TTC39B: variants seen among roughly 807,000 people sequenced by gnomAD.
The protein encoded by TTC39B is tetratricopeptide repeat protein 39B.
TTC39B carries 92 observed loss-of-function variants against 96.6 expected under a neutral mutation model. That is an observed-to-expected ratio of 0.95 (90% CI 0.80 to 1.13). TTC39B has a LOEUF of 1.13. TTC39B is among the 50% of genes most tolerant of loss of function. TTC39B has a pLI of 0.00. For missense variants in TTC39B, 955 were observed against 809.3 expected (o/e 1.18, Z -2.18); for synonymous variants, 367 against 299.4 (o/e 1.23, Z -2.33).
At chr9:15,230,981 T>C (rs912455986) in intron 2 of TTC39B, among the ~76,000 whole-genome samples, 2 of 117,454 alleles carry the variant, frequency 1.7e-5, no homozygotes, top group African/African-American at 7.3e-5. Context: ...TGAGACTCCA[T>C]CTCAGAAAAA....
intron 1 of TTC39B, among the ~76,000 whole-genome samples, chr9:15,275,331 G>A (rs897907968): frequency 2.6e-4 from 40 of 152,168 alleles, no homozygotes; most frequent in Non-Finnish European, 1.2e-4. Flanking sequence ...ATGAGCCAAC[G>A]CTCCCAGCCA....
chr9:15,172,501 T>C (rs926513276), intron 19 of TTC39B, among the ~76,000 whole-genome samples: 2 of 152,182 alleles, frequency 1.3e-5, no homozygotes, highest in Non-Finnish European at 2.9e-5. Context: ...CATGATCACA[T>C]GATCGATCAC....
exon 20 of TTC39B, chr9:15,166,997 TATATATATATATATA>T (rs1564299672): frequency 3.6e-4 from 2 of 5,560 alleles, no homozygotes; most frequent in East Asian, 8.6e-3. Context: ...TATATATATA[TATATATATATATATA>T]TATATATATA....
chr9:15,249,559 T>C (rs1035498394), intron 2 of TTC39B: 1 of 155,682 alleles, frequency 6.4e-6, no homozygotes, highest in Admixed American at 6.5e-5. Context: ...CCTGCCATTG[T>C]TCTGCAGCAG....
chr9:15,191,381 A>G, intron 9 of TTC39B, 126 bp from the exon 10 acceptor site: 3 of 626,150 alleles, frequency 4.8e-6, no homozygotes, highest in Non-Finnish European at 8.3e-6. Context: ...TTTAACCACC[A>G]GATATTTCTG....
intron 10 of TTC39B, 59 bp downstream of exon 10, chr9:15,191,131 T>A (rs180937294): frequency 1.8e-5 from 22 of 1,240,320 alleles, no homozygotes; most frequent in South Asian, 1.8e-4. Flanking sequence ...ATTGCCCTCA[T>A]GTTCAATAAA....
intron 2 of TTC39B, among the ~76,000 whole-genome samples, chr9:15,243,608 C>T (rs1201373796): frequency 6.6e-6 from 1 of 152,188 alleles, no homozygotes; most frequent in Non-Finnish European, 1.5e-5. Flanking sequence ...AGACGCTACT[C>T]ACTAAGAAAA....
At chr9:15,192,646 C>G (rs141411377) in exon 9 of TTC39B, 1 of 1,614,058 alleles carries the variant, frequency 6.2e-7, no homozygotes, top group South Asian at 1.1e-5. Flanking sequence ...TAGAAGAATT[C>G]CTGCTGAAGT....
intron 1 of TTC39B, among the ~76,000 whole-genome samples, chr9:15,292,279 A>G (rs1322603174): frequency 1.3e-5 from 2 of 152,176 alleles, no homozygotes; most frequent in South Asian, 4.1e-4. Flanking sequence ...GTGGTCCCAT[A>G]AGATTGGAGT....
chr9:15,180,423 C>A (rs567129282), intron 17 of TTC39B, among the ~76,000 whole-genome samples: 1 of 152,306 alleles, frequency 6.6e-6, no homozygotes, highest in Admixed American at 6.5e-5. Context: ...AATGCTGACT[C>A]CAGGGATGTC....
At chr9:15,294,641 G>A (rs2131608790) in intron 1 of TTC39B, among the ~76,000 whole-genome samples, 1 of 152,334 alleles carries the variant, frequency 6.6e-6, no homozygotes, top group East Asian at 1.9e-4. Flanking sequence ...CTCAGGAAAG[G>A]AAAGGAAAGG....
At chr9:15,212,078 A>AT (rs1294402376) in intron 4 of TTC39B, among the ~76,000 whole-genome samples, 1 of 152,208 alleles carries the variant, frequency 6.6e-6, no homozygotes, top group East Asian at 1.9e-4. Context: ...AACATCATTT[A>AT]TTTTCTCAAA....
chr9:15,176,274 T>G (rs1817933062), intron 18 of TTC39B, among the ~76,000 whole-genome samples: 1 of 152,186 alleles, frequency 6.6e-6, no homozygotes, highest in Non-Finnish European at 1.5e-5. Context: ...CAATTCACTA[T>G]GAGATTCACA....
At chr9:15,205,832 GC>G (rs558985063) in intron 6 of TTC39B, among the ~76,000 whole-genome samples, 3 of 152,158 alleles carry the variant, frequency 2.0e-5, no homozygotes, top group African/African-American at 7.2e-5. Context: ...CGGTGGGGGA[GC>G]CGGGGCGGAG....
At chr9:15,279,618 G>A (rs942351948) in intron 1 of TTC39B, among the ~76,000 whole-genome samples, 1 of 152,168 alleles carries the variant, frequency 6.6e-6, no homozygotes, top group African/African-American at 2.4e-5. Flanking sequence ...GCATCCAGTA[G>A]AAAGATGAGT....
At chr9:15,250,102 A>G in intron 2 of TTC39B, 1 of 1,263,102 alleles carries the variant, frequency 7.9e-7, no homozygotes, top group Non-Finnish European at 1.0e-6. Context: ...CTCAATTCTC[A>G]GGCACAAGCA....
chr9:15,214,072 C>G, intron 4 of TTC39B, 67 bp downstream of exon 4: 1 of 1,211,254 alleles, frequency 8.3e-7, no homozygotes, highest in Non-Finnish European at 1.2e-6. Flanking sequence ...AATTTACAAG[C>G]ATGACATCAA....
At chr9:15,176,348 A>G (rs1817937359) in intron 18 of TTC39B, among the ~76,000 whole-genome samples, 1 of 152,258 alleles carries the variant, frequency 6.6e-6, no homozygotes, top group Non-Finnish European at 1.5e-5. Flanking sequence ...AGAAACACTA[A>G]TAAAATAGAA....
At chr9:15,176,065 T>C (rs1011276844) in intron 18 of TTC39B, among the ~76,000 whole-genome samples, 6 of 152,146 alleles carry the variant, frequency 3.9e-5, no homozygotes, top group African/African-American at 1.4e-4. Context: ...ATTTACATTG[T>C]CTAAATGATC....
Sources: allele counts gnomAD v4.1 joint callset (sites outside exome capture counted in the v4.1 genomes callset), GRCh38; gene constraint gnomAD v4.1.1; transcripts MANE v1.5; gene names NCBI Gene and HGNC (gene_info 2026-07-23, HGNC 2026-07-21).